The following KCNK12 variants were observed in gnomAD, a reference collection of about 807,000 sequenced individuals.
KCNK12 encodes potassium two pore domain channel subfamily K member 12.
A neutral mutation model predicts 25.3 loss-of-function variants in KCNK12; 6 were observed. That is an observed-to-expected ratio of 0.24 (90% CI 0.13 to 0.47). KCNK12 has a LOEUF of 0.47. Ranked by LOEUF, KCNK12 falls within the 20% of genes least tolerant of loss-of-function variation. The pLI, the probability that KCNK12 is intolerant of heterozygous loss-of-function variation, is 0.99. For missense variants in KCNK12, 444 were observed against 661.7 expected (o/e 0.67, Z 3.61); for synonymous variants, 331 against 311.1 (o/e 1.06, Z -0.67).
Position 47,520,497 on chromosome 2 carries a change from G to A in KCNK12, c.*410C>T, listed in dbSNP as rs1668627802. On this transcript the variant is annotated 3_prime_UTR_variant, in exon 2 of 2. Transcript: ENST00000327876. The surrounding 1 kb of genome is among the most constrained non-coding windows in gnomAD (Gnocchi z 5.0). ...GAAGGAAGCTGCTAGGCTGGGCCAG[G>A]ATTCTAAATGCTGAGGAGGTAATTC... 6.2e-6 allele frequency: 1 copy of A among 160,392 alleles called. No homozygotes were observed. Among genetic ancestry groups the A allele is most frequent in the African/African-American group, 2.4e-5 (1 of 41,806 alleles). The allele number at this position is 160,392 out of a possible 1,614,324, so 9.9% of individuals were successfully genotyped here. A position where few individuals can be genotyped will look rare whatever the true frequency, so the allele number is the denominator to read the frequency against.
rs991658130 is a variant in KCNK12, at chr2:47,555,423, T to G, written c.391+14518A>C. ...TAATCACTGGGGACCCCACTGTCAC[T>G]CTAGAGATTTTACAAGATTGAGTCT... On this transcript the variant is annotated intron_variant, in intron 1 of 1. Coordinates refer to ENST00000327876, the MANE Select transcript of KCNK12 (RefSeq NM_022055.2). The surrounding 1 kb of genome is among the most constrained non-coding windows in gnomAD (Gnocchi z 4.5). Among the ~76,000 whole-genome samples, 2 of 152,202 alleles carry G rather than the reference T, an allele frequency of 1.3e-5. No homozygotes were observed. The highest frequency in any genetic ancestry group is 4.8e-5 in the African/African-American group (2 of 41,460).
In KCNK12 at chr2:47,548,879, A is replaced by G. The variant is rs1669367249; in HGVS notation, c.391+21062T>C. Among the ~76,000 whole-genome samples the G allele has an allele frequency of 6.6e-6, 1 of 152,210 alleles. No individual in the cohort carries two copies. ...TGCTGAATTGAGGGGAGAGAAATTC[A>G]GGTTCAGGGAGGATAAAGCAGCTGT... is the stretch of plus-strand genomic sequence containing the variant. On this transcript the variant is annotated intron_variant, in intron 1 of 1. Coordinates refer to ENST00000327876, the MANE Select transcript of KCNK12 (RefSeq NM_022055.2). The surrounding 1 kb of genome is among the most constrained non-coding windows in gnomAD (Gnocchi z 4.4).
chr2:47,570,433 G>T lies in KCNK12; in HGVS notation c.-102C>A. 3 of 1,152,170 alleles carry T rather than the reference G, an allele frequency of 2.6e-6. No individual in the cohort carries two copies. Among genetic ancestry groups the T allele is most frequent in the Non-Finnish European group, 3.2e-6 (3 of 926,520 alleles). 71.4% of individuals were successfully genotyped at this position (1,152,170 alleles called of 1,614,324 possible). On this transcript the variant is annotated 5_prime_UTR_variant, in exon 1 of 2. Transcript: ENST00000327876. ...GTGAGGATGGTGGCCAGGGGTCCGGGGCCGCCGCGGAGCCCCTCGCCGCCT... is the reference window on the plus strand; with the variant it reads ...GTGAGGATGGTGGCCAGGGGTCCGGTGCCGCCGCGGAGCCCCTCGCCGCCT...
chr2:47,542,769 G>C (rs1016694968), intron 1 of KCNK12, among the ~76,000 whole-genome samples: 1 of 152,212 alleles, frequency 6.6e-6, no homozygotes, highest in South Asian at 2.1e-4. Context: ...CTTTGAACGT[G>C]TGAGAAGCTC....
intron 1 of KCNK12, among the ~76,000 whole-genome samples, chr2:47,526,115 C>T (rs1668764839): frequency 6.6e-6 from 1 of 152,064 alleles, no homozygotes; most frequent in African/African-American, 2.4e-5. Context: ...ACAAAAGAGG[C>T]CGGGCGTGAT....
chr2:47,549,038 G>C (rs1669370590), intron 1 of KCNK12, among the ~76,000 whole-genome samples: 1 of 152,062 alleles, frequency 6.6e-6, no homozygotes, highest in South Asian at 2.1e-4. Context: ...GCAGGTACAG[G>C]GTAAAACCTA....
intron 1 of KCNK12, chr2:47,564,564 CAG>C (rs1234163039): frequency 1.5e-5 from 3 of 199,738 alleles, no homozygotes; most frequent in Non-Finnish European, 3.1e-5. Flanking sequence ...GTTAATAAAA[CAG>C]AAGCAGCTCA....
rs763204017 is a variant in KCNK12 at position 47,515,721 on chromosome 2, G to A, written c.*5186C>T. Among the ~76,000 whole-genome samples, 1 of 152,274 alleles carries A rather than the reference G, an allele frequency of 6.6e-6. No individual in the cohort carries two copies. The highest frequency in any genetic ancestry group is 2.1e-4 in the South Asian group (1 of 4,818). On this transcript the variant is annotated 3_prime_UTR_variant, in exon 2 of 2. Transcript: ENST00000327876. ...TTACTTCTCATTTCTAGGGAAAATT[G>A]AAGGAAAAGAAGGAGGGGGATGTGG...
rs931736818 is a variant in KCNK12, at chr2:47,511,394, C to T, written c.*9513G>A. 6.6e-5 allele frequency among the ~76,000 whole-genome samples: 10 copies of T among 152,292 alleles called. No individual in the cohort carries two copies. The highest frequency in any genetic ancestry group is 1.3e-4 in the Admixed American group (2 of 15,306). On this transcript the variant is annotated 3_prime_UTR_variant, in exon 2 of 2. Coordinates refer to ENST00000327876, the MANE Select transcript of KCNK12 (RefSeq NM_022055.2). This position sits in a 1 kb window ranked among gnomAD's most constrained non-coding sequence, Gnocchi z 4.3. ...GCTTTTAATATAAATATTTGTGTGC[C>T]TGCGCCTGCATATATGTATTTGGAC...
Position 47,521,238 on chromosome 2 carries a change from C to T in KCNK12, c.962G>A (p.Cys321Tyr), listed in dbSNP as rs1668648343. Residue 321 changes from cysteine (C) to tyrosine (Y), a missense_variant, in exon 2 of 2, where the codon TGC (cysteine) becomes TAC (tyrosine). Physicochemically the swap from Cys to Tyr is radical, Grantham distance 194 (BLOSUM62 -2). Transcript: ENST00000327876. ...CAGGGGCGCGCCAGGAGCCGGGCAG[C>T]AGCGCGCGCAGCAGCGGCAGCTCAG... ...RKLSCRCCAR[C>Y]CPAPGAPLAR... 6.2e-7 allele frequency: 1 copy of T among 1,603,842 alleles called. No homozygotes were observed. Among genetic ancestry groups the T allele is most frequent in the Non-Finnish European group, 8.5e-7 (1 of 1,175,588 alleles).
At chr2:47,542,816 A>G (rs191807529) in intron 1 of KCNK12, among the ~76,000 whole-genome samples, 1 of 152,210 alleles carries the variant, frequency 6.6e-6, no homozygotes, top group African/African-American at 2.4e-5. Context: ...GACATGGGAA[A>G]CTGACAGGTT....
intron 1 of KCNK12, among the ~76,000 whole-genome samples, chr2:47,522,392 T>C (rs1668678511): frequency 1.3e-5 from 2 of 152,212 alleles, no homozygotes; most frequent in Non-Finnish European, 2.9e-5. Flanking sequence ...CACTGCCTAC[T>C]TGAGAATGGT....
chr2:47,531,274 A>G (rs1668920779), intron 1 of KCNK12, among the ~76,000 whole-genome samples: 1 of 152,122 alleles, frequency 6.6e-6, no homozygotes, highest in Non-Finnish European at 1.5e-5. Context: ...GGAGTTCAAG[A>G]CCAGCCTGGG....
rs1387879729 is a variant in KCNK12, at chr2:47,562,824, C to G, written c.391+7117G>C. On this transcript the variant is annotated intron_variant, in intron 1 of 1. Transcript: ENST00000327876. The surrounding 1 kb of genome is among the most constrained non-coding windows in gnomAD (Gnocchi z 4.8). ...GTAGAAACTCTGCAGAGAGTATGACCGTGTCTCTTAAAAAAACTTTGGTGA... is the reference window on the plus strand; with the variant it reads ...GTAGAAACTCTGCAGAGAGTATGACGGTGTCTCTTAAAAAAACTTTGGTGA... The G allele has an allele frequency of 2.1e-5, 5 of 232,964 alleles. No homozygotes were observed. The highest frequency in any genetic ancestry group is 8.8e-5 in the African/African-American group (4 of 45,276). 14.4% of individuals were successfully genotyped at this position (232,964 alleles called of 1,614,324 possible). A position where few individuals can be genotyped will look rare whatever the true frequency, so the allele number is the denominator to read the frequency against.
chr2:47,534,817 G>C (rs1246283028), intron 1 of KCNK12: 1 of 182,104 alleles, frequency 5.5e-6, no homozygotes, highest in Non-Finnish European at 1.2e-5. Flanking sequence ...GGGCAGCTCA[G>C]AGCAGCAAGA....
At chr2:47,543,044 C>T (rs913387836) in intron 1 of KCNK12, among the ~76,000 whole-genome samples, 1 of 152,196 alleles carries the variant, frequency 6.6e-6, no homozygotes, top group Admixed American at 6.5e-5. Flanking sequence ...GATCCTCCCA[C>T]CTCAGCCTCC....
At position 47,515,236 on chromosome 2, in the gene KCNK12, T is replaced by C. The variant is rs1488695126; in HGVS notation, c.*5671A>G. On this transcript the variant is annotated 3_prime_UTR_variant, in exon 2 of 2. Transcript: ENST00000327876. The stretch of plus-strand genomic sequence containing the variant: ...TTGGCTGGAAGCTAACAGGAAGGCC[T>C]CTTTCCAGAAACACTGTAAGCCAGT... Among the ~76,000 whole-genome samples the C allele has an allele frequency of 1.3e-5, 2 of 152,190 alleles. No homozygotes were observed. Among genetic ancestry groups the C allele is most frequent in the Non-Finnish European group, 2.9e-5 (2 of 68,016 alleles).
At chr2:47,563,413 G>C in intron 1 of KCNK12, 1 of 233,382 alleles carries the variant, frequency 4.3e-6, no homozygotes. Flanking sequence ...GTGGGAGAGT[G>C]AGAGAGATAC....
chr2:47,531,124 T>C (rs1402070179), intron 1 of KCNK12, among the ~76,000 whole-genome samples: 2 of 152,196 alleles, frequency 1.3e-5, no homozygotes, highest in Non-Finnish European at 2.9e-5. Context: ...GAGGCCTTCC[T>C]GGTGGAATGA....
Sources: gnomAD v4.1 joint callset for allele counts (sites outside exome capture counted in the v4.1 genomes callset) on GRCh38, gnomAD v4.1.1 for gene constraint, Gnocchi (gnomAD v3.1) non-coding constraint, MANE v1.5 for transcripts, NCBI Gene and HGNC (gene_info 2026-07-23, HGNC 2026-07-21) for gene names.